The following DHRS7B variants were observed in gnomAD, a reference collection of about 807,000 sequenced individuals.
DHRS7B encodes dehydrogenase/reductase 7B.
Under a neutral mutation model 26.4 loss-of-function variants are expected in DHRS7B, and 24 were observed. The observed-to-expected ratio is 0.91, with a 90% CI of 0.66 to 1.28. DHRS7B has a LOEUF of 1.28. Among genes scored for constraint, DHRS7B ranks in the 50% most tolerant of loss-of-function variants. DHRS7B has a pLI of 0.00. For missense variants in DHRS7B, 368 were observed against 419.4 expected (o/e 0.88, Z 1.07); for synonymous variants, 142 against 166.4 (o/e 0.85, Z 1.13).
chr17:21,154,575 G>A (rs770329428), intron 1 of DHRS7B, among the ~76,000 whole-genome samples: 5 of 152,130 alleles, frequency 3.3e-5, no homozygotes, highest in Non-Finnish European at 7.4e-5. Flanking sequence ...AATGATATGA[G>A]TCAGAAACTC....
At chr17:21,181,810 TTTGC>T (rs1329973709) in intron 3 of DHRS7B, among the ~76,000 whole-genome samples, 1 of 152,262 alleles carries the variant, frequency 6.6e-6, no homozygotes, top group Non-Finnish European at 1.5e-5. Context: ...ACCTTGCCAC[TTTGC>T]TTAATTTGTT....
intron 1 of DHRS7B, among the ~76,000 whole-genome samples, chr17:21,153,354 G>C (rs1330760388): frequency 6.6e-6 from 1 of 151,658 alleles, no homozygotes; most frequent in Non-Finnish European, 1.5e-5. Context: ...TAAAAGCAAA[G>C]AGAAAAAAGA....
At chr17:21,169,323 T>C (rs996902267) in intron 1 of DHRS7B, among the ~76,000 whole-genome samples, 9 of 151,726 alleles carry the variant, frequency 5.9e-5, no homozygotes, top group African/African-American at 1.9e-4. Context: ...GTCTTGGGAG[T>C]CGGATTGCTG....
At chr17:21,167,388 G>A (rs1487477506) in intron 1 of DHRS7B, among the ~76,000 whole-genome samples, 4 of 152,186 alleles carry the variant, frequency 2.6e-5, no homozygotes. Context: ...GATCTGGCAA[G>A]GGATGAAAAT....
chr17:21,141,619 C>CAAAAAAAGA (rs1555536482), intron 1 of DHRS7B, among the ~76,000 whole-genome samples: 1 of 14,382 alleles, frequency 7.0e-5, no homozygotes, highest in Non-Finnish European at 1.3e-4. Context: ...AGCAAGAAAG[C>CAAAAAAAGA]AAAAAAAAAA....
intron 1 of DHRS7B, among the ~76,000 whole-genome samples, chr17:21,170,991 C>A (rs1482087588): frequency 6.6e-6 from 1 of 152,082 alleles, no homozygotes. Flanking sequence ...TGGATTCCAG[C>A]CTCTTCCTTC....
intron 1 of DHRS7B, among the ~76,000 whole-genome samples, chr17:21,158,556 A>C (rs1973928907): frequency 6.6e-6 from 1 of 152,230 alleles, no homozygotes; most frequent in South Asian, 2.1e-4. Flanking sequence ...GAAATGTATC[A>C]ACTAAATAGA....
At chr17:21,149,623 G>A (rs930732108) in intron 1 of DHRS7B, among the ~76,000 whole-genome samples, 1 of 152,092 alleles carries the variant, frequency 6.6e-6, no homozygotes, top group Admixed American at 6.5e-5. Flanking sequence ...GTGGGGGGAC[G>A]AGGATAAAGT....
intron 5 of DHRS7B, among the ~76,000 whole-genome samples, chr17:21,188,244 T>A (rs1296228024): frequency 6.6e-6 from 1 of 152,162 alleles, no homozygotes; most frequent in East Asian, 1.9e-4. Flanking sequence ...GTTAACCTTT[T>A]ACCTTATTTC....
At chr17:21,187,482 C>T (rs1186693065) in intron 5 of DHRS7B, among the ~76,000 whole-genome samples, 1 of 151,620 alleles carries the variant, frequency 6.6e-6, no homozygotes, top group Admixed American at 6.6e-5. Context: ...AAAAAGTAGC[C>T]GGGCGTGGTG....
chr17:21,163,932 T>C (rs1974052427), intron 1 of DHRS7B, among the ~76,000 whole-genome samples: 1 of 151,508 alleles, frequency 6.6e-6, no homozygotes, highest in African/African-American at 2.4e-5. Context: ...CAAGTGATCC[T>C]CCTGTCTTGG....
At chr17:21,161,458 T>C (rs531240548) in intron 1 of DHRS7B, among the ~76,000 whole-genome samples, 7 of 152,252 alleles carry the variant, frequency 4.6e-5, no homozygotes, top group African/African-American at 1.4e-4. Flanking sequence ...TCCTTCAAAA[T>C]TGAAGGTAAG....
intron 1 of DHRS7B, among the ~76,000 whole-genome samples, chr17:21,145,272 C>T (rs1054285458): frequency 3.3e-5 from 5 of 151,846 alleles, no homozygotes; most frequent in South Asian, 2.1e-4. Context: ...TGGAGTAAGC[C>T]GGGATCGCGC....
chr17:21,172,451 T>TG, intron 2 of DHRS7B: 1 of 8,878 alleles, frequency 1.1e-4, no homozygotes, highest in Non-Finnish European at 2.1e-4. Context: ...TGGGGTGGGG[T>TG]GGGGTGGGAT....
intron 1 of DHRS7B, among the ~76,000 whole-genome samples, chr17:21,169,452 G>A (rs1024487233): frequency 9.2e-5 from 14 of 152,156 alleles, no homozygotes; most frequent in African/African-American, 3.4e-4. Context: ...ACCCAGGAGG[G>A]AGGTCCTCTC....
intron 1 of DHRS7B, chr17:21,168,607 G>C: frequency 2.0e-6 from 1 of 505,148 alleles, no homozygotes; most frequent in African/African-American, 2.1e-5. Context: ...AGGCTGAAGC[G>C]ATCCCCCTAC....
chr17:21,175,028 C>G (rs1315398563), intron 2 of DHRS7B, among the ~76,000 whole-genome samples: 3 of 152,202 alleles, frequency 2.0e-5, no homozygotes, highest in African/African-American at 7.2e-5. Flanking sequence ...AACGAACACA[C>G]CAACCTCACC....
At chr17:21,147,004 C>T (rs140656012) in intron 1 of DHRS7B, among the ~76,000 whole-genome samples, 4 of 152,138 alleles carry the variant, frequency 2.6e-5, no homozygotes, top group South Asian at 2.1e-4. Flanking sequence ...TTCTAATTGC[C>T]GTGCACTACT....
chr17:21,169,494 G>A (rs191982349), intron 1 of DHRS7B, among the ~76,000 whole-genome samples: 4 of 152,268 alleles, frequency 2.6e-5, no homozygotes, highest in Admixed American at 6.5e-5. Context: ...GGACACTGAG[G>A]CCCAGGGCAG....
Sources: allele counts gnomAD v4.1 joint callset (sites outside exome capture counted in the v4.1 genomes callset), GRCh38; gene constraint gnomAD v4.1.1; transcripts MANE v1.5; gene names NCBI Gene and HGNC (gene_info 2026-07-23, HGNC 2026-07-21).